The following DNAJC5B variants were observed in gnomAD, a reference collection of about 807,000 sequenced individuals.
DNAJC5B encodes DnaJ heat shock protein family (Hsp40) member C5 beta.
A neutral mutation model predicts 24.7 loss-of-function variants in DNAJC5B; 23 were observed. The ratio of observed to expected loss-of-function variants is 0.93; its 90% CI spans 0.67 to 1.32. The LOEUF (loss-of-function observed/expected upper bound fraction) is 1.32, where lower values mean the gene tolerates loss of function less well. DNAJC5B is among the 40% of genes most tolerant of loss of function. The pLI, the probability that DNAJC5B is intolerant of heterozygous loss-of-function variation, is 0.00. For missense variants in DNAJC5B, 238 were observed against 240.8 expected, an observed-to-expected ratio of 0.99 and a Z score of 0.08; for synonymous variants, 101 against 90.1, an observed-to-expected ratio of 1.12 and a Z score of -0.68.
chr8:66,064,575 T>C (rs1807149797), intron 3 of DNAJC5B, among the ~76,000 whole-genome samples: 1 of 152,184 alleles, frequency 6.6e-6, no homozygotes, highest in African/African-American at 2.4e-5. Context: ...AAACCACAAA[T>C]GTAAATTTTC....
Position 66,051,650 on chromosome 8 carries a change from A to G in DNAJC5B, c.103A>G (p.Ile35Val). The G allele has an allele frequency of 6.2e-7, 1 of 1,612,002 alleles. No individual in the cohort carries two copies. Among genetic ancestry groups the G allele is most frequent in the Non-Finnish European group, 8.5e-7 (1 of 1,179,242 alleles). Residue 35 changes from isoleucine to valine, a missense_variant, in exon 3 of 6, where the codon ATT (isoleucine) becomes GTT (valine). Coordinates refer to ENST00000276570, the MANE Select transcript of DNAJC5B (RefSeq NM_033105.6). ...GLHKGASNEEIKKTYRKLALK... is the reference protein window; with the variant it reads ...GLHKGASNEEVKKTYRKLALK... ...GCATAAGGGAGCATCAAATGAAGAA[A>G]TTAAGAAAACCTACAGGTACGGATT... is the stretch of plus-strand genomic sequence containing the variant.
chr8:66,036,621 G>C (rs1452144536), intron 1 of DNAJC5B, among the ~76,000 whole-genome samples: 1 of 152,104 alleles, frequency 6.6e-6, no homozygotes, highest in Admixed American at 6.5e-5. Flanking sequence ...TTGATTTGGG[G>C]TGAGAAATAT....
At chr8:66,058,438 T>C (rs1332576358) in intron 3 of DNAJC5B, among the ~76,000 whole-genome samples, 1 of 152,224 alleles carries the variant, frequency 6.6e-6, no homozygotes, top group Non-Finnish European at 1.5e-5. Flanking sequence ...AAAGATCTCA[T>C]GGACCCAGCC....
chr8:66,033,107 G>T (rs921482480), intron 1 of DNAJC5B, among the ~76,000 whole-genome samples: 8 of 152,232 alleles, frequency 5.3e-5, no homozygotes, highest in Admixed American at 3.3e-4. Flanking sequence ...AGTGCTTCTG[G>T]TGTATCCCAC....
intron 3 of DNAJC5B, among the ~76,000 whole-genome samples, chr8:66,075,114 T>TCCA (rs1263964373): frequency 4.6e-5 from 7 of 152,202 alleles, no homozygotes; most frequent in Non-Finnish European, 1.5e-5. Context: ...TCGCCCAGGC[T>TCCA]GGAGTGCAGT....
chr8:66,061,659 T>C (rs891734974), intron 3 of DNAJC5B, among the ~76,000 whole-genome samples: 4 of 151,216 alleles, frequency 2.6e-5, no homozygotes, highest in African/African-American at 9.7e-5. Flanking sequence ...GGTACTTAGA[T>C]TATGTGACAT....
At chr8:66,067,529 G>T (rs1422928702) in intron 3 of DNAJC5B, among the ~76,000 whole-genome samples, 5 of 152,082 alleles carry the variant, frequency 3.3e-5, no homozygotes, top group African/African-American at 1.2e-4. Context: ...ATGGCTCTCT[G>T]ACCCAATTTA....
At chr8:66,027,204 G>T (rs1326145290) in intron 1 of DNAJC5B, among the ~76,000 whole-genome samples, 1 of 152,190 alleles carries the variant, frequency 6.6e-6, no homozygotes, top group East Asian at 1.9e-4. Context: ...ATGGTAGAGT[G>T]CCAGGCACTG....
At chr8:66,037,468 G>A (rs1586069576) in intron 1 of DNAJC5B, among the ~76,000 whole-genome samples, 1 of 152,242 alleles carries the variant, frequency 6.6e-6, no homozygotes, top group South Asian at 2.1e-4. Flanking sequence ...CCAGAGGTGG[G>A]CAGCAGAGGG....
At chr8:66,076,175 T>C (rs1293439526) in intron 3 of DNAJC5B, among the ~76,000 whole-genome samples, 4 of 152,252 alleles carry the variant, frequency 2.6e-5, no homozygotes, top group Non-Finnish European at 5.9e-5. Context: ...GGAAGATTAA[T>C]GAAGGGGTCT....
chr8:66,081,490 G>A (rs1292957917), intron 5 of DNAJC5B, among the ~76,000 whole-genome samples: 1 of 152,108 alleles, frequency 6.6e-6, no homozygotes, highest in Admixed American at 6.5e-5. Context: ...CTAAAATTAG[G>A]AACAGTGTAC....
upstream of DNAJC5B, among the ~76,000 whole-genome samples, chr8:66,020,454 T>A (rs1055310537): frequency 1.3e-5 from 2 of 152,222 alleles, no homozygotes; most frequent in Non-Finnish European, 2.9e-5. Flanking sequence ...TTTAGTATCA[T>A]ATGGGGTTAG....
intron 1 of DNAJC5B, among the ~76,000 whole-genome samples, chr8:66,032,814 T>C (rs150314207): frequency 2.0e-5 from 3 of 152,320 alleles, no homozygotes; most frequent in Non-Finnish European, 2.9e-5. Context: ...CCATTTCCAC[T>C]AGAGCTTGGC....
At chr8:66,090,918 G>A (rs913244024) in intron 5 of DNAJC5B, among the ~76,000 whole-genome samples, 1 of 152,140 alleles carries the variant, frequency 6.6e-6, no homozygotes, top group African/African-American at 2.4e-5. Flanking sequence ...AGAATGCTTT[G>A]CTTCTTCTTT....
chr8:66,076,248 C>T (rs1384463588), intron 3 of DNAJC5B, among the ~76,000 whole-genome samples: 9 of 152,100 alleles, frequency 5.9e-5, no homozygotes, highest in Admixed American at 3.9e-4. Flanking sequence ...TATGTTGTGA[C>T]GTTCTGTTAA....
intron 1 of DNAJC5B, among the ~76,000 whole-genome samples, chr8:66,041,007 G>C (rs1806596081): frequency 7.1e-6 from 1 of 141,392 alleles, no homozygotes; most frequent in South Asian, 2.1e-4. Context: ...TGCCAGAATT[G>C]TTCAGTAGCT....
At chr8:66,016,364 AGT>A in the DNAJC5B span, among the ~76,000 whole-genome samples, 1 of 152,058 alleles carries the variant, frequency 6.6e-6, no homozygotes, top group African/African-American at 2.4e-5. Flanking sequence ...TGTGATAATG[AGT>A]GTGTCTCATG....
chr8:66,080,856 G>T (rs34063385), intron 5 of DNAJC5B, among the ~76,000 whole-genome samples: 2,147 of 152,238 alleles, frequency 0.014, 19 homozygotes, highest in Middle Eastern at 0.034. Flanking sequence ...GGGAGGATTG[G>T]GTGAGAATGC....
chr8:66,088,677 C>A, intron 5 of DNAJC5B, among the ~76,000 whole-genome samples: 1 of 152,156 alleles, frequency 6.6e-6, no homozygotes, highest in East Asian at 1.9e-4. Context: ...ACCAGATACC[C>A]TAAATCATCT....
Sources: allele counts gnomAD v4.1 joint callset (sites outside exome capture counted in the v4.1 genomes callset), GRCh38; gene constraint gnomAD v4.1.1; transcripts MANE v1.5; gene names NCBI Gene and HGNC (gene_info 2026-07-23, HGNC 2026-07-21).